GFOD1: variants seen among roughly 807,000 people sequenced by gnomAD.
The protein encoded by GFOD1 is glucose-fructose oxidoreductase domain-containing protein 1.
In GFOD1, 9 loss-of-function variants were observed where a neutral mutation model predicts 25.4. The observed-to-expected ratio is 0.35, with a 90% CI of 0.21 to 0.62. The LOEUF (loss-of-function observed/expected upper bound fraction) is 0.62, where lower values mean the gene tolerates loss of function less well. Among genes scored for constraint, GFOD1 ranks in the 20% least tolerant of loss-of-function variants. GFOD1 has a pLI of 0.72. For missense variants in GFOD1, 403 were observed against 556.9 expected, an observed-to-expected ratio of 0.72 and a Z score of 2.78; for synonymous variants, 253 against 245.6, an observed-to-expected ratio of 1.03 and a Z score of -0.28.
At chr6:13,397,724 G>A (rs1584627624) in intron 1 of GFOD1, among the ~76,000 whole-genome samples, 1 of 152,374 alleles carries the variant, frequency 6.6e-6, no homozygotes, top group Non-Finnish European at 1.5e-5. Flanking sequence ...AGAAGATGGT[G>A]ATGTCTTGCA....
intron 1 of GFOD1, among the ~76,000 whole-genome samples, chr6:13,366,092 C>T (rs1785042179): frequency 6.6e-6 from 1 of 150,610 alleles, no homozygotes; most frequent in African/African-American, 2.4e-5. Flanking sequence ...GACTCTGTCT[C>T]AAAAAATAAA....
At chr6:13,458,105 TTTGTTG>T (rs555905027) in intron 1 of GFOD1, among the ~76,000 whole-genome samples, 5 of 151,870 alleles carry the variant, frequency 3.3e-5, no homozygotes, top group Admixed American at 6.6e-5. Context: ...TTATACAATT[TTTGTTG>T]TTGTTGTTGT....
At chr6:13,445,864 G>A (rs1757994099) in intron 1 of GFOD1, among the ~76,000 whole-genome samples, 1 of 152,236 alleles carries the variant, frequency 6.6e-6, no homozygotes, top group African/African-American at 2.4e-5. Flanking sequence ...AACCTCAGCT[G>A]TCCTACACCT....
chr6:13,408,058 C>T, intron 1 of GFOD1: 1 of 985,398 alleles, frequency 1.0e-6, no homozygotes, highest in South Asian at 4.7e-5. Flanking sequence ...TGTGCCCTTC[C>T]CTACTGCATA....
Position 13,365,719 on chromosome 6 carries a change from C to G in GFOD1, c.254-57G>C. On this transcript the variant is annotated intron_variant, in intron 1 of 1. Coordinates refer to ENST00000379287, the MANE Select transcript of GFOD1 (RefSeq NM_018988.4). This position sits in a 1 kb window ranked among gnomAD's most constrained non-coding sequence, Gnocchi z 9.2. ...GGCAGGACCATGTCCGAGCGCGCGT[C>G]CCTGGGTCAGATCTTAAAATATTTC... The G allele has an allele frequency of 8.3e-7, 1 of 1,206,032 alleles. No homozygotes were observed. The highest frequency in any genetic ancestry group is 1.2e-6 in the Non-Finnish European group (1 of 840,610). 74.7% of individuals were successfully genotyped at this position (1,206,032 alleles called of 1,614,324 possible). A position where few individuals can be genotyped will look rare whatever the true frequency, so the allele number is the denominator to read the frequency against.
At chr6:13,440,810 G>A (rs1757902916) in intron 1 of GFOD1, among the ~76,000 whole-genome samples, 1 of 152,130 alleles carries the variant, frequency 6.6e-6, no homozygotes, top group African/African-American at 2.4e-5. Flanking sequence ...TTAAAATAGT[G>A]CTTATTTTGT....
chr6:13,446,704 G>A (rs1758008788), intron 1 of GFOD1, among the ~76,000 whole-genome samples: 1 of 152,198 alleles, frequency 6.6e-6, no homozygotes, highest in Non-Finnish European at 1.5e-5. Flanking sequence ...GCTACAGCAA[G>A]GGGAGCCTTG....
At chr6:13,419,843 C>T (rs1436301045) in intron 1 of GFOD1, among the ~76,000 whole-genome samples, 1 of 152,212 alleles carries the variant, frequency 6.6e-6, no homozygotes, top group Non-Finnish European at 1.5e-5. Context: ...CAAATCTCTA[C>T]TTAAACGTCC....
At chr6:13,368,167 G>A (rs1210300059) in intron 1 of GFOD1, among the ~76,000 whole-genome samples, 3 of 152,238 alleles carry the variant, frequency 2.0e-5, no homozygotes, top group South Asian at 2.1e-4. Context: ...GGTACAGATT[G>A]GAGAAAGGAA....
intron 1 of GFOD1, among the ~76,000 whole-genome samples, chr6:13,393,122 A>G (rs544639): frequency 0.65 from 98,906 of 151,758 alleles, 33,132 homozygotes; most frequent in South Asian, 0.73. Context: ...TTGGGAGGTC[A>G]AGGTGGGTGG....
chr6:13,465,585 TA>T (rs1344301812), intron 1 of GFOD1, among the ~76,000 whole-genome samples: 1 of 152,214 alleles, frequency 6.6e-6, no homozygotes, highest in African/African-American at 2.4e-5. Flanking sequence ...ACCTAGTTCC[TA>T]CCCTCAGAGA....
chr6:13,366,458 C>T (rs1785049193), intron 1 of GFOD1, among the ~76,000 whole-genome samples: 1 of 152,192 alleles, frequency 6.6e-6, no homozygotes, highest in Non-Finnish European at 1.5e-5. Context: ...GCCTCAGCCT[C>T]CCGAGTAGTT....
intron 1 of GFOD1, among the ~76,000 whole-genome samples, chr6:13,442,316 G>A (rs144201126): frequency 1.3e-5 from 2 of 152,150 alleles, no homozygotes; most frequent in East Asian, 1.9e-4. Flanking sequence ...AGGTTTATGC[G>A]ACCCTGCGTC....
At chr6:13,431,838 C>T (rs1184674834) in intron 1 of GFOD1, among the ~76,000 whole-genome samples, 2 of 152,358 alleles carry the variant, frequency 1.3e-5, no homozygotes, top group East Asian at 3.9e-4. Context: ...CAAAGTCCCT[C>T]CTTCCTTTTG....
At chr6:13,471,436 A>G (rs986023163) in intron 1 of GFOD1, among the ~76,000 whole-genome samples, 3 of 152,180 alleles carry the variant, frequency 2.0e-5, no homozygotes, top group African/African-American at 7.2e-5. Context: ...GCCATCTGCT[A>G]CCTAAAGTCC....
intron 1 of GFOD1, among the ~76,000 whole-genome samples, chr6:13,401,735 G>C (rs1294905309): frequency 6.6e-6 from 1 of 152,068 alleles, no homozygotes; most frequent in Non-Finnish European, 1.5e-5. Context: ...ATATTGATAA[G>C]ACAGTAATAT....
chr6:13,405,119 A>C (rs1785921491), intron 1 of GFOD1, among the ~76,000 whole-genome samples: 1 of 152,134 alleles, frequency 6.6e-6, no homozygotes, highest in Non-Finnish European at 1.5e-5. Context: ...CCTCTTATAA[A>C]GGTTTGCAGA....
At chr6:13,457,740 A>G (rs1758215499) in intron 1 of GFOD1, among the ~76,000 whole-genome samples, 1 of 152,222 alleles carries the variant, frequency 6.6e-6, no homozygotes, top group African/African-American at 2.4e-5. Context: ...TCTATGACAC[A>G]TGTTCTTTGA....
chr6:13,368,245 C>T (rs550353275), intron 1 of GFOD1, among the ~76,000 whole-genome samples: 1 of 152,362 alleles, frequency 6.6e-6, no homozygotes, highest in Admixed American at 6.5e-5. Context: ...AGCCTGGAGC[C>T]TACAGAATGA....
Sources: gnomAD v4.1 joint callset for allele counts (sites outside exome capture counted in the v4.1 genomes callset) on GRCh38, gnomAD v4.1.1 for gene constraint, Gnocchi (gnomAD v3.1) non-coding constraint, MANE v1.5 for transcripts, NCBI Gene and HGNC (gene_info 2026-07-23, HGNC 2026-07-21) for gene names.